Variants in BST1 observed in about 807,000 individuals in gnomAD.
BST1 encodes the protein bone marrow stromal cell antigen 1.
Under a neutral mutation model 40.6 loss-of-function variants are expected in BST1, and 49 were observed. The observed-to-expected ratio is 1.21, with a 90% CI of 0.96 to 1.53. BST1 has a LOEUF of 1.53. BST1 is among the 40% of genes most tolerant of loss of function. The probability of loss-of-function intolerance (pLI) is 0.00; values close to 1 mark genes in which losing one functional copy is unlikely to be tolerated. For synonymous variants in BST1, 157 were observed against 159.3 expected (o/e 0.99, Z 0.11); for missense variants, 423 against 395.9 (o/e 1.07, Z -0.58).
the BST1 span, among the ~76,000 whole-genome samples, chr4:15,761,260 T>C: frequency 6.6e-6 from 1 of 151,876 alleles, no homozygotes; most frequent in Admixed American, 6.6e-5. Context: ...GCATATAGTT[T>C]TGTAAATTGG....
chr4:15,728,022 T>C (rs1450129010), intron 8 of BST1, among the ~76,000 whole-genome samples: 1 of 151,772 alleles, frequency 6.6e-6, no homozygotes, highest in African/African-American at 2.4e-5. Flanking sequence ...GGTTATAATA[T>C]TGGCCAAAAA....
chr4:15,723,395 T>G (rs1388251824), intron 8 of BST1: 1 of 205,460 alleles, frequency 4.9e-6, no homozygotes. Flanking sequence ...TACAGGGGCC[T>G]GCCACCACGC....
At chr4:15,762,721 A>G in the BST1 span, among the ~76,000 whole-genome samples, 1 of 151,924 alleles carries the variant, frequency 6.6e-6, no homozygotes. Context: ...GCTAACCCCA[A>G]CTTCCTGACA....
At chr4:15,707,439 T>C in intron 2 of BST1, 72 bp from the exon 3 acceptor site, 1 of 1,598,672 alleles carries the variant, frequency 6.3e-7, no homozygotes, top group Non-Finnish European at 8.6e-7. Context: ...CAACTTGCCT[T>C]GATGATATTG....
At chr4:15,751,757 A>G in the BST1 span, among the ~76,000 whole-genome samples, 1 of 152,044 alleles carries the variant, frequency 6.6e-6, no homozygotes, top group Non-Finnish European at 1.5e-5. Context: ...ATATCTATGT[A>G]TATACATCTA....
downstream of BST1, among the ~76,000 whole-genome samples, chr4:15,740,580 T>C (rs1244156070): frequency 6.6e-6 from 1 of 152,208 alleles, no homozygotes; most frequent in African/African-American, 2.4e-5. Context: ...GGGAGACTAA[T>C]CTATACAAAG....
At chr4:15,729,183 G>A (rs770812472) in intron 8 of BST1, among the ~76,000 whole-genome samples, 2 of 152,168 alleles carry the variant, frequency 1.3e-5, no homozygotes, top group African/African-American at 2.4e-5. Context: ...CTTGCCCAGT[G>A]GCTCATGCCT....
the BST1 span, among the ~76,000 whole-genome samples, chr4:15,766,584 G>A: frequency 3.3e-5 from 5 of 151,826 alleles, no homozygotes; most frequent in South Asian, 2.1e-4. Context: ...AGCCTTGCTC[G>A]GTTTCAGGAT....
the BST1 span, among the ~76,000 whole-genome samples, chr4:15,772,561 A>G: frequency 6.6e-6 from 1 of 152,240 alleles, no homozygotes; most frequent in African/African-American, 2.4e-5. Context: ...GACACCCAGA[A>G]GAAATTCTCA....
the BST1 span, among the ~76,000 whole-genome samples, chr4:15,756,608 G>A: frequency 6.6e-6 from 1 of 152,166 alleles, no homozygotes; most frequent in Non-Finnish European, 1.5e-5. Context: ...TTATGAAGAT[G>A]ATGTCCTTAA....
chr4:15,756,149 C>T, the BST1 span, among the ~76,000 whole-genome samples: 11,790 of 151,998 alleles, frequency 0.078, 666 homozygotes, highest in East Asian at 0.16. Flanking sequence ...AAAACAACAA[C>T]AAAACAAGGG....
the BST1 span, among the ~76,000 whole-genome samples, chr4:15,768,718 G>A: frequency 6.6e-6 from 1 of 151,178 alleles, no homozygotes; most frequent in African/African-American, 2.4e-5. Context: ...GGATGGTCTC[G>A]ATCTCCTGAC....
the BST1 span, among the ~76,000 whole-genome samples, chr4:15,755,024 C>T: frequency 0.065 from 9,933 of 152,266 alleles, 478 homozygotes; most frequent in East Asian, 0.22. Flanking sequence ...ACAGAGATCC[C>T]TCACTTTATT....
chr4:15,712,103 A>G (rs1187301662), intron 4 of BST1, among the ~76,000 whole-genome samples: 1 of 152,098 alleles, frequency 6.6e-6, no homozygotes, highest in Non-Finnish European at 1.5e-5. Flanking sequence ...CGGAGAAAAC[A>G]TTCTGTAAAT....
chr4:15,772,669 G>C, the BST1 span, among the ~76,000 whole-genome samples: 2 of 152,238 alleles, frequency 1.3e-5, no homozygotes, highest in Non-Finnish European at 2.9e-5. Context: ...AGCGAGAAGA[G>C]TGTACAACAA....
intron 7 of BST1, among the ~76,000 whole-genome samples, chr4:15,719,486 G>A (rs1041713323): frequency 6.6e-6 from 1 of 152,114 alleles, no homozygotes; most frequent in African/African-American, 2.4e-5. Flanking sequence ...GGTATCATTT[G>A]TGGGCCTTGT....
the BST1 span, among the ~76,000 whole-genome samples, chr4:15,754,106 G>A: frequency 2.6e-5 from 4 of 152,168 alleles, no homozygotes; most frequent in African/African-American, 7.2e-5. Context: ...CAGCTTCTTC[G>A]TGTGTATCAT....
At chr4:15,757,933 C>T in the BST1 span, among the ~76,000 whole-genome samples, 1 of 152,064 alleles carries the variant, frequency 6.6e-6, no homozygotes, top group East Asian at 1.9e-4. Context: ...TGAGCCACCG[C>T]GCCCGGTGGG....
chr4:15,721,279 T>A (rs1720794900), intron 7 of BST1, among the ~76,000 whole-genome samples: 1 of 152,210 alleles, frequency 6.6e-6, no homozygotes, highest in Non-Finnish European at 1.5e-5. Context: ...TAGAAAGTTC[T>A]CCCTGAGGTT....
Sources: allele counts gnomAD v4.1 joint callset (sites outside exome capture counted in the v4.1 genomes callset), GRCh38; gene constraint gnomAD v4.1.1; transcripts MANE v1.5; gene names NCBI Gene and HGNC (gene_info 2026-07-23, HGNC 2026-07-21).